The following CAMTA1 variants were observed in gnomAD, a reference collection of about 807,000 sequenced individuals.
CAMTA1 encodes the protein calmodulin binding transcription activator 1.
In CAMTA1, 27 loss-of-function variants were observed where a neutral mutation model predicts 170.9. The observed-to-expected ratio is 0.16, with a 90% CI of 0.12 to 0.22. The LOEUF is 0.22. Among genes scored for constraint, CAMTA1 ranks in the 10% least tolerant of loss-of-function variants. CAMTA1 has a pLI of 1.00. For synonymous variants in CAMTA1, 833 were observed against 891.5 expected, an observed-to-expected ratio of 0.93 and a Z score of 1.17; for missense variants, 1,619 against 2,217.2, an observed-to-expected ratio of 0.73 and a Z score of 5.42.
At chr1:6,948,199 T>TG (rs1268830038) in intron 3 of CAMTA1, among the ~76,000 whole-genome samples, 2 of 152,186 alleles carry the variant, frequency 1.3e-5, no homozygotes, top group African/African-American at 4.8e-5. Flanking sequence ...CGAAGAGCTG[T>TG]GGGGCCAGGC....
chr1:7,364,828 C>T (rs1437539921), intron 5 of CAMTA1, among the ~76,000 whole-genome samples: 1 of 152,132 alleles, frequency 6.6e-6, no homozygotes, highest in Admixed American at 6.5e-5. Context: ...AGTCGGAGTC[C>T]ATGGCACAAA....
At chr1:7,643,945 T>C (rs937668115) in intron 7 of CAMTA1, among the ~76,000 whole-genome samples, 3 of 152,220 alleles carry the variant, frequency 2.0e-5, no homozygotes, top group Non-Finnish European at 4.4e-5. Context: ...GACCTCAGAT[T>C]TGATTCCAGA....
intron 11 of CAMTA1, among the ~76,000 whole-genome samples, chr1:7,695,270 T>A (rs1262568863): frequency 6.6e-6 from 1 of 151,860 alleles, no homozygotes; most frequent in Non-Finnish European, 1.5e-5. Context: ...TTTACACCCC[T>A]CCCCTGGAAA....
chr1:7,004,029 C>T lies in CAMTA1; in HGVS notation c.235-87275C>T, dbSNP rs922805233. On this transcript the variant is annotated intron_variant, in intron 3 of 22. Transcript: ENST00000303635. ...CTGAGATGATTTCAGCACAAGAACG[C>T]GTTTGGTTATGGAACATGATTTCCC... Among the ~76,000 whole-genome samples, 29 of 152,228 alleles carry T rather than the reference C, an allele frequency of 1.9e-4. 2 individuals are homozygous for T. The highest frequency in any genetic ancestry group is 6.0e-4 in the African/African-American group (25 of 41,526).
At chr1:7,304,956 T>C (rs1326815059) in intron 5 of CAMTA1, among the ~76,000 whole-genome samples, 2 of 152,092 alleles carry the variant, frequency 1.3e-5, no homozygotes, top group African/African-American at 4.8e-5. Flanking sequence ...AAAATGTTTT[T>C]GGTATTTTAA....
chr1:7,757,061 A>G (rs2096936753), intron 22 of CAMTA1, among the ~76,000 whole-genome samples: 1 of 152,208 alleles, frequency 6.6e-6, no homozygotes, highest in Non-Finnish European at 1.5e-5. Context: ...TACTTTATTT[A>G]GTCATCTTTA....
At chr1:7,584,270 G>A (rs532085293) in intron 6 of CAMTA1, among the ~76,000 whole-genome samples, 3 of 152,110 alleles carry the variant, frequency 2.0e-5, no homozygotes, top group South Asian at 4.1e-4. Context: ...AAGGAGAAGT[G>A]GGGATTTATC....
chr1:7,084,567 G>A (rs17030256), intron 3 of CAMTA1, among the ~76,000 whole-genome samples: 36,069 of 152,220 alleles, frequency 0.24, 4,468 homozygotes, highest in East Asian at 0.32. Context: ...GACACGGCTC[G>A]TCACCTCAGA....
At chr1:7,158,556 A>G (rs1647026991) in intron 4 of CAMTA1, among the ~76,000 whole-genome samples, 2 of 152,228 alleles carry the variant, frequency 1.3e-5, no homozygotes, top group African/African-American at 4.8e-5. Context: ...AGCTAATGAT[A>G]TGCCTTTAGA....
intron 4 of CAMTA1, among the ~76,000 whole-genome samples, chr1:7,239,766 A>G (rs909138871): frequency 2.0e-5 from 3 of 150,340 alleles, no homozygotes; most frequent in Non-Finnish European, 2.9e-5. Flanking sequence ...TACTTGGCTC[A>G]TGGTTCTGGA....
At chr1:7,036,707 C>T (rs1156933723) in intron 3 of CAMTA1, among the ~76,000 whole-genome samples, 1 of 152,216 alleles carries the variant, frequency 6.6e-6, no homozygotes, top group Non-Finnish European at 1.5e-5. Context: ...TTCAGCTCTT[C>T]TTCCAAACCT....
chr1:7,746,961 A>C (rs1351957591), intron 18 of CAMTA1, among the ~76,000 whole-genome samples: 1 of 152,212 alleles, frequency 6.6e-6, no homozygotes, highest in Non-Finnish European at 1.5e-5. Flanking sequence ...CTACCTTGCC[A>C]TCCTGAGTAC....
At chr1:6,819,516 T>C (rs943904493) in intron 1 of CAMTA1, among the ~76,000 whole-genome samples, 1 of 152,168 alleles carries the variant, frequency 6.6e-6, no homozygotes, top group South Asian at 2.1e-4. Flanking sequence ...TTAAAAATGT[T>C]GTTGGTGTTG....
At position 7,737,244 on chromosome 1, in the gene CAMTA1, C is replaced by A; in HGVS notation, c.3343-11C>A. ...GATTGAGAACGCTTGCTGTGTCTCC[C>A]TGTCTTCTAGATGTGGGCGTGTGCC... is the stretch of plus-strand genomic sequence containing the variant. On this transcript the variant is annotated splice_polypyrimidine_tract_variant and intron_variant, in intron 14 of 22. Transcript: ENST00000303635. The A allele has an allele frequency of 2.5e-6, 4 of 1,609,342 alleles. No individual in the cohort carries two copies. The highest frequency in any genetic ancestry group is 3.4e-6 in the Non-Finnish European group (4 of 1,177,098).
At chr1:7,225,966 C>T (rs1354882412) in intron 4 of CAMTA1, among the ~76,000 whole-genome samples, 1 of 152,076 alleles carries the variant, frequency 6.6e-6, no homozygotes, top group Non-Finnish European at 1.5e-5. Context: ...TTGGGGGTAT[C>T]CTAGGATGGC....
chr1:7,121,042 C>A (rs963294710), intron 4 of CAMTA1, among the ~76,000 whole-genome samples: 2 of 152,232 alleles, frequency 1.3e-5, no homozygotes, highest in African/African-American at 4.8e-5. Flanking sequence ...GGTATCTAGC[C>A]TCTGTACTGC....
intron 11 of CAMTA1, among the ~76,000 whole-genome samples, chr1:7,704,358 G>A (rs1394033193): frequency 6.8e-6 from 1 of 146,146 alleles, no homozygotes; most frequent in African/African-American, 2.5e-5. Context: ...GCAGCCGTCG[G>A]GCTCCGAGCC....
chr1:7,105,813 C>T (rs1482922388), intron 4 of CAMTA1, among the ~76,000 whole-genome samples: 2 of 151,972 alleles, frequency 1.3e-5, no homozygotes, highest in African/African-American at 4.8e-5. Flanking sequence ...CATGGTGGTG[C>T]ACCTGTGGTC....
intron 1 of CAMTA1, among the ~76,000 whole-genome samples, chr1:6,788,358 T>A (rs192365828): frequency 4.9e-4 from 74 of 152,288 alleles, no homozygotes; most frequent in African/African-American, 1.6e-3. Flanking sequence ...TGCCTCAGTT[T>A]ACTGTGTAAG....
Sources: allele counts gnomAD v4.1 joint callset (sites outside exome capture counted in the v4.1 genomes callset), GRCh38; gene constraint gnomAD v4.1.1; transcripts MANE v1.5; gene names NCBI Gene and HGNC (gene_info 2026-07-23, HGNC 2026-07-21).